Variants in PHF2 observed in about 807,000 individuals in gnomAD.
PHF2 encodes lysine-specific demethylase PHF2.
Under a neutral mutation model 120.5 loss-of-function variants are expected in PHF2, and 27 were observed. The observed-to-expected ratio is 0.22, with a 90% CI of 0.17 to 0.31. The LOEUF is 0.31. Among genes scored for constraint, PHF2 ranks in the 10% least tolerant of loss-of-function variants. PHF2 has a pLI of 1.00. For synonymous variants in PHF2, 568 were observed against 592.5 expected (o/e 0.96, Z 0.60); for missense variants, 1,024 against 1,434.8 (o/e 0.71, Z 4.63).
At chr9:93,642,818 T>G (rs1826191943) in intron 3 of PHF2, among the ~76,000 whole-genome samples, 1 of 152,200 alleles carries the variant, frequency 6.6e-6, no homozygotes, top group South Asian at 2.1e-4. Flanking sequence ...ATTTAAAAAT[T>G]TTTCTTCAAA....
intron 7 of PHF2, among the ~76,000 whole-genome samples, chr9:93,655,456 C>T (rs1461948405): frequency 6.6e-6 from 1 of 152,138 alleles, no homozygotes; most frequent in East Asian, 1.9e-4. Flanking sequence ...GCTCTGTCTC[C>T]GAGGATAACC....
chr9:93,595,068 T>C (rs181896390), intron 1 of PHF2, among the ~76,000 whole-genome samples: 5 of 152,348 alleles, frequency 3.3e-5, no homozygotes, highest in East Asian at 1.9e-4. Context: ...TGGGTACTTA[T>C]AGATGCTAAA....
intron 1 of PHF2, among the ~76,000 whole-genome samples, chr9:93,611,846 G>A (rs1242143060): frequency 6.6e-6 from 1 of 152,124 alleles, no homozygotes; most frequent in African/African-American, 2.4e-5. Flanking sequence ...AGTCCTTGAT[G>A]GGTAGCAATA....
rs1826523155 is a variant in PHF2, at chr9:93,659,619, G to T, written c.1329+19G>T. 2 of 1,607,600 alleles carry T rather than the reference G, an allele frequency of 1.2e-6. No homozygotes were observed. Among genetic ancestry groups the T allele is most frequent in the Admixed American group, 1.7e-5 (1 of 59,932 alleles). ...CAGTGAGGTGGGGCCGTGTCCAGGTGCTGGGCTGGACCCCTGGGGATTGGG... is the reference window on the plus strand; with the variant it reads ...CAGTGAGGTGGGGCCGTGTCCAGGTTCTGGGCTGGACCCCTGGGGATTGGG... On this transcript the variant is annotated intron_variant, in intron 11 of 21. Transcript: ENST00000359246.
At chr9:93,647,068 G>A (rs1324382026) in intron 4 of PHF2, among the ~76,000 whole-genome samples, 1 of 152,234 alleles carries the variant, frequency 6.6e-6, no homozygotes, top group African/African-American at 2.4e-5. Flanking sequence ...TGGCCATCAG[G>A]TGGGCTGTTT....
Position 93,677,148 on chromosome 9 carries a change from G to A in PHF2, c.3202+185G>A, listed in dbSNP as rs1014610291. Reference sequence around the variant, plus strand: ...TGTGTGAGCGTATCCCACAGTACAGGACGTGTGCTTTCATCCTTCTGCTCA... The same window carrying A: ...TGTGTGAGCGTATCCCACAGTACAGAACGTGTGCTTTCATCCTTCTGCTCA... On this transcript the variant is annotated intron_variant, in intron 21 of 21. Coordinates refer to ENST00000359246, the MANE Select transcript of PHF2 (RefSeq NM_005392.4). The surrounding 1 kb of genome is among the most constrained non-coding windows in gnomAD (Gnocchi z 4.4). Among the ~76,000 whole-genome samples, 8 of 148,696 alleles carry A rather than the reference G, an allele frequency of 5.4e-5. No homozygotes were observed. The highest frequency in any genetic ancestry group is 2.0e-4 in the African/African-American group (8 of 40,454).
At chr9:93,594,898 A>G (rs1461369526) in intron 1 of PHF2, 1 of 153,994 alleles carries the variant, frequency 6.5e-6, no homozygotes, top group Non-Finnish European at 1.5e-5. Context: ...GCACCAGCCT[A>G]ATATCATTCT....
chr9:93,634,471 A>G (rs539135207), intron 2 of PHF2, among the ~76,000 whole-genome samples: 6 of 152,282 alleles, frequency 3.9e-5, no homozygotes, highest in African/African-American at 1.4e-4. Context: ...TCGCTTGGGT[A>G]ACACCTGCTC....
At chr9:93,581,996 G>C (rs1040444413) in intron 1 of PHF2, among the ~76,000 whole-genome samples, 1 of 152,178 alleles carries the variant, frequency 6.6e-6, no homozygotes, top group Non-Finnish European at 1.5e-5. Flanking sequence ...TAACAGATGG[G>C]CCTGATTGTG....
At chr9:93,643,885 A>G (rs935223221) in intron 3 of PHF2, among the ~76,000 whole-genome samples, 5 of 151,416 alleles carry the variant, frequency 3.3e-5, no homozygotes, top group Non-Finnish European at 5.9e-5. Context: ...GGCCGTCCAT[A>G]TTTGCCTCTT....
intron 3 of PHF2, among the ~76,000 whole-genome samples, chr9:93,643,108 G>T (rs1308657059): frequency 2.0e-5 from 3 of 151,966 alleles, no homozygotes; most frequent in Non-Finnish European, 4.4e-5. Flanking sequence ...CCTCTTGGTG[G>T]TTCACCTCCT....
chr9:93,634,731 C>T (rs1826062326), intron 2 of PHF2, among the ~76,000 whole-genome samples: 1 of 152,246 alleles, frequency 6.6e-6, no homozygotes, highest in African/African-American at 2.4e-5. Context: ...CATCTGCTCG[C>T]AGACACTCCC....
At chr9:93,662,252 C>G (rs1181149416) in intron 12 of PHF2, among the ~76,000 whole-genome samples, 1 of 148,394 alleles carries the variant, frequency 6.7e-6, no homozygotes, top group African/African-American at 2.5e-5. Flanking sequence ...GGTGAATGGA[C>G]TGATCGATGG....
chr9:93,635,683 T>C (rs2131661715), intron 2 of PHF2, among the ~76,000 whole-genome samples: 1 of 152,314 alleles, frequency 6.6e-6, no homozygotes, highest in South Asian at 2.1e-4. Flanking sequence ...TGTGTGCATG[T>C]ATATGTACAT....
intron 1 of PHF2, among the ~76,000 whole-genome samples, chr9:93,613,327 AG>A (rs2131629757): frequency 6.6e-6 from 1 of 152,296 alleles, no homozygotes; most frequent in South Asian, 2.1e-4. Flanking sequence ...CTGGGACTTT[AG>A]CCACACATTT....
intron 1 of PHF2, among the ~76,000 whole-genome samples, chr9:93,600,013 A>C (rs1825410839): frequency 6.6e-6 from 1 of 152,168 alleles, no homozygotes; most frequent in Admixed American, 6.5e-5. Flanking sequence ...CCCCAGCTCC[A>C]TGCAGCCTGC....
chr9:93,582,311 G>T (rs1169907109), intron 1 of PHF2, among the ~76,000 whole-genome samples: 1 of 152,224 alleles, frequency 6.6e-6, no homozygotes, highest in Non-Finnish European at 1.5e-5. Context: ...AACTGCTCGT[G>T]TCCATGGTTT....
intron 1 of PHF2, among the ~76,000 whole-genome samples, chr9:93,625,346 A>G (rs1825896739): frequency 6.6e-6 from 1 of 151,956 alleles, no homozygotes; most frequent in Non-Finnish European, 1.5e-5. Flanking sequence ...ATTCCATTGT[A>G]TATACAGACT....
chr9:93,599,569 A>C (rs1825397483), intron 1 of PHF2, among the ~76,000 whole-genome samples: 2 of 152,242 alleles, frequency 1.3e-5, no homozygotes, highest in Non-Finnish European at 2.9e-5. Flanking sequence ...CCTGAATGCC[A>C]GTGTTTCAAA....
Sources: allele counts gnomAD v4.1 joint callset (sites outside exome capture counted in the v4.1 genomes callset), GRCh38; gene constraint gnomAD v4.1.1; non-coding constraint Gnocchi (gnomAD v3.1); transcripts MANE v1.5; gene names NCBI Gene and HGNC (gene_info 2026-07-23, HGNC 2026-07-21).